MAGI1: variants seen among roughly 807,000 people sequenced by gnomAD.
The protein encoded by MAGI1 is membrane-associated guanylate kinase, WW and PDZ domain-containing protein 1.
Under a neutral mutation model 139.9 loss-of-function variants are expected in MAGI1, and 58 were observed. That is an observed-to-expected ratio of 0.41 (90% CI 0.34 to 0.52). MAGI1 has a LOEUF of 0.52. MAGI1 is among the 20% of genes least tolerant of loss of function. The pLI is 0.12. For synonymous variants in MAGI1, 812 were observed against 737.9 expected, an observed-to-expected ratio of 1.10 and a Z score of -1.63; for missense variants, 1,874 against 1,901.6, an observed-to-expected ratio of 0.99 and a Z score of 0.27.
intron 1 of MAGI1, among the ~76,000 whole-genome samples, chr3:65,974,490 G>A (rs1282294873): frequency 2.6e-5 from 4 of 152,084 alleles, no homozygotes; most frequent in Non-Finnish European, 5.9e-5. Context: ...TTATTGCTGT[G>A]TAACAAGTAA....
intron 1 of MAGI1, among the ~76,000 whole-genome samples, chr3:65,898,467 TA>T (rs1006102652): frequency 1.3e-5 from 2 of 152,072 alleles, no homozygotes; most frequent in Admixed American, 6.6e-5. Context: ...TATGTACGTG[TA>T]AAAAAATTAT....
At chr3:65,475,189 TGTG>T (rs1452210134) in intron 4 of MAGI1, among the ~76,000 whole-genome samples, 1 of 152,064 alleles carries the variant, frequency 6.6e-6, no homozygotes. Flanking sequence ...ACTTTTTAGT[TGTG>T]GTGATTTGTT....
chr3:65,981,380 A>G (rs1262315887), intron 1 of MAGI1, among the ~76,000 whole-genome samples: 2 of 152,140 alleles, frequency 1.3e-5, no homozygotes, highest in African/African-American at 4.8e-5. Context: ...TTGGTAAAAT[A>G]TGACCATTAA....
intron 2 of MAGI1, among the ~76,000 whole-genome samples, chr3:65,509,179 A>C (rs561774472): frequency 6.6e-6 from 1 of 151,026 alleles, no homozygotes; most frequent in African/African-American, 2.4e-5. Context: ...TTGTTTCAAA[A>C]CAAAACAATC....
intron 1 of MAGI1, among the ~76,000 whole-genome samples, chr3:65,640,581 T>G (rs1301243694): frequency 6.6e-6 from 1 of 152,182 alleles, no homozygotes; most frequent in African/African-American, 2.4e-5. Context: ...AGGCTCCAGC[T>G]ACATAGAAAC....
At chr3:66,024,928 T>G (rs2107568826) in intron 1 of MAGI1, among the ~76,000 whole-genome samples, 1 of 152,204 alleles carries the variant, frequency 6.6e-6, no homozygotes, top group Non-Finnish European at 1.5e-5. Context: ...TACAGGACTC[T>G]CGATATACAG....
intron 1 of MAGI1, among the ~76,000 whole-genome samples, chr3:65,867,046 G>A (rs1023544262): frequency 6.6e-6 from 1 of 152,214 alleles, no homozygotes; most frequent in Admixed American, 6.5e-5. Context: ...AAGGGTCCAT[G>A]AGCATGCCCT....
intron 1 of MAGI1, among the ~76,000 whole-genome samples, chr3:65,821,925 G>A: frequency 6.6e-6 from 1 of 152,188 alleles, no homozygotes; most frequent in Non-Finnish European, 1.5e-5. Flanking sequence ...TGATTTTTCA[G>A]AAGTTCTTTT....
chr3:65,467,514 T>C (rs1464435527), intron 5 of MAGI1, among the ~76,000 whole-genome samples: 3 of 152,218 alleles, frequency 2.0e-5, no homozygotes, highest in African/African-American at 4.8e-5. Flanking sequence ...AATCCCATAA[T>C]TATCATTAGC....
At chr3:65,404,459 G>A (rs1945171987) in intron 12 of MAGI1, among the ~76,000 whole-genome samples, 1 of 152,074 alleles carries the variant, frequency 6.6e-6, no homozygotes, top group Non-Finnish European at 1.5e-5. Context: ...GCTAGTTGCT[G>A]AAAACCTTCA....
chr3:65,439,617 C>G (rs1305823950), intron 9 of MAGI1, among the ~76,000 whole-genome samples: 1 of 152,148 alleles, frequency 6.6e-6, no homozygotes, highest in Non-Finnish European at 1.5e-5. Flanking sequence ...TTTCCTCCCC[C>G]ATCAGAAAGT....
At chr3:65,712,760 C>T (rs1215361164) in intron 1 of MAGI1, among the ~76,000 whole-genome samples, 1 of 152,192 alleles carries the variant, frequency 6.6e-6, no homozygotes, top group African/African-American at 2.4e-5. Context: ...AATCCACCCA[C>T]CTCGGTCTCC....
chr3:65,581,027 T>A (rs1209477046), intron 2 of MAGI1, among the ~76,000 whole-genome samples: 1 of 152,160 alleles, frequency 6.6e-6, no homozygotes, highest in Non-Finnish European at 1.5e-5. Context: ...ATTAATATCA[T>A]CCTTTTCTCC....
intron 1 of MAGI1, among the ~76,000 whole-genome samples, chr3:65,761,764 G>A (rs1272969826): frequency 6.6e-6 from 1 of 152,100 alleles, no homozygotes; most frequent in Admixed American, 6.6e-5. Flanking sequence ...AAAACTGATT[G>A]TTTTTGCCTC....
intron 1 of MAGI1, among the ~76,000 whole-genome samples, chr3:65,951,136 T>C (rs2063843151): frequency 6.6e-6 from 1 of 152,144 alleles, no homozygotes; most frequent in Non-Finnish European, 1.5e-5. Context: ...CATGAATGTA[T>C]GAATTTATGT....
chr3:66,021,767 T>C (rs1576489936), intron 1 of MAGI1, among the ~76,000 whole-genome samples: 1 of 152,072 alleles, frequency 6.6e-6, no homozygotes, highest in African/African-American at 2.4e-5. Context: ...TCTTTGGAGG[T>C]GGAGTATCAG....
intron 1 of MAGI1, among the ~76,000 whole-genome samples, chr3:65,738,841 T>C (rs2035012408): frequency 6.6e-6 from 1 of 152,222 alleles, no homozygotes; most frequent in African/African-American, 2.4e-5. Context: ...TAAGCAGATG[T>C]GCTATCATTC....
At chr3:65,501,629 T>C (rs369740755) in intron 2 of MAGI1, among the ~76,000 whole-genome samples, 1 of 152,102 alleles carries the variant, frequency 6.6e-6, no homozygotes, top group African/African-American at 2.4e-5. Flanking sequence ...GTACAACCAT[T>C]TGGGGAAAGA....
chr3:65,736,443 A>C (rs1255597217), intron 1 of MAGI1, among the ~76,000 whole-genome samples: 1 of 152,208 alleles, frequency 6.6e-6, no homozygotes, highest in East Asian at 1.9e-4. Flanking sequence ...TGACTGGCTC[A>C]TGTGAATTGG....
Sources: allele counts gnomAD v4.1 joint callset (sites outside exome capture counted in the v4.1 genomes callset), GRCh38; gene constraint gnomAD v4.1.1; transcripts MANE v1.5; gene names NCBI Gene and HGNC (gene_info 2026-07-23, HGNC 2026-07-21).